The following SMAD2 variants were observed in gnomAD, a reference collection of about 807,000 sequenced individuals.
SMAD2 encodes the protein SMAD family member 2, also known as MAD homolog 2.
Under a neutral mutation model 64.4 loss-of-function variants are expected in SMAD2, and 8 were observed. The ratio of observed to expected loss-of-function variants is 0.12; its 90% CI spans 0.07 to 0.22. The LOEUF is 0.22. SMAD2 is among the 10% of genes least tolerant of loss of function. The pLI, the probability that SMAD2 is intolerant of heterozygous loss-of-function variation, is 1.00. For missense variants in SMAD2, 289 were observed against 561.2 expected, an observed-to-expected ratio of 0.51 and a Z score of 4.90; for synonymous variants, 203 against 195.8, an observed-to-expected ratio of 1.04 and a Z score of -0.31.
chr18:47,825,713 A>G lies in SMAD2; in HGVS notation c.*16114T>C, dbSNP rs954184590. The G allele has an allele frequency of 6.6e-6, 1 of 152,270 alleles. No individual in the cohort carries two copies. The highest frequency in any genetic ancestry group is 2.4e-5 in the African/African-American group (1 of 41,460). 9.4% of individuals were successfully genotyped at this position (152,270 alleles called of 1,614,324 possible). On this transcript the variant is annotated 3_prime_UTR_variant, in exon 11 of 11. Transcript: ENST00000262160. ...CTACCAAGCACAGCCACATCACCAAAGAGAACAATTCCTGACCTCCTTGGA... is the reference window on the plus strand; with the variant it reads ...CTACCAAGCACAGCCACATCACCAAGGAGAACAATTCCTGACCTCCTTGGA...
At chr18:47,874,950 C>T (rs79022096) in intron 2 of SMAD2, among the ~76,000 whole-genome samples, 7,579 of 152,168 alleles carry the variant, frequency 0.05, 585 homozygotes, top group East Asian at 0.21. Flanking sequence ...TCAATGTCAT[C>T]TTGACACTTC....
At chr18:47,910,259 G>C (rs1443144630) in intron 1 of SMAD2, among the ~76,000 whole-genome samples, 1 of 151,866 alleles carries the variant, frequency 6.6e-6, no homozygotes, top group South Asian at 2.1e-4. Flanking sequence ...CCACACATCA[G>C]AGGAATTAAC....
At chr18:47,905,521 C>G (rs1407357810) in intron 1 of SMAD2, among the ~76,000 whole-genome samples, 1 of 150,918 alleles carries the variant, frequency 6.6e-6, no homozygotes, top group African/African-American at 2.4e-5. Context: ...CTTACACCAC[C>G]TTATTTCAAG....
At position 47,813,255 on chromosome 18, in the gene SMAD2, T is replaced by C. The variant is rs1489665943; in HGVS notation, c.*28572A>G. ...AATAAAATAAACTGGGTCCTTATTTTTAGAAAAGGATCTCACTTTGTCATC... is the reference window on the plus strand; with the variant it reads ...AATAAAATAAACTGGGTCCTTATTTCTAGAAAAGGATCTCACTTTGTCATC... On this transcript the variant is annotated 3_prime_UTR_variant, in exon 11 of 11. Coordinates refer to ENST00000262160, the MANE Select transcript of SMAD2 (RefSeq NM_005901.6). 3 of 152,068 alleles carry C rather than the reference T, an allele frequency of 2.0e-5. No homozygotes were observed. Among genetic ancestry groups the C allele is most frequent in the Non-Finnish European group, 4.4e-5 (3 of 68,008 alleles). The allele number at this position is 152,068 out of a possible 1,614,324, so 9.4% of individuals were successfully genotyped here.
chr18:47,881,685 A>C (rs894289118), intron 2 of SMAD2, among the ~76,000 whole-genome samples: 49 of 152,320 alleles, frequency 3.2e-4, no homozygotes, highest in African/African-American at 1.1e-3. Flanking sequence ...ACAGTATTTC[A>C]TGATTAAGTA....
intron 2 of SMAD2, among the ~76,000 whole-genome samples, chr18:47,872,395 A>G (rs1004286868): frequency 6.6e-6 from 1 of 152,216 alleles, no homozygotes; most frequent in African/African-American, 2.4e-5. Context: ...AGTAGAAAAA[A>G]TAAGTAAATT....
At chr18:47,919,801 A>G (rs958487416) in intron 1 of SMAD2, among the ~76,000 whole-genome samples, 2 of 152,214 alleles carry the variant, frequency 1.3e-5, no homozygotes, top group African/African-American at 2.4e-5. Context: ...CTCTTTACCA[A>G]TATCTCAGCA....
At chr18:47,861,389 A>T (rs2031178607) in intron 6 of SMAD2, among the ~76,000 whole-genome samples, 1 of 152,154 alleles carries the variant, frequency 6.6e-6, no homozygotes, top group Non-Finnish European at 1.5e-5. Flanking sequence ...TATGCAGAAA[A>T]CCTCAAGAAT....
At position 47,923,821 on chromosome 18, in the gene SMAD2, T is replaced by A. The variant is rs550394192; in HGVS notation, c.-54+6540A>T. 2.0e-5 allele frequency among the ~76,000 whole-genome samples: 3 copies of A among 152,340 alleles called. No homozygotes were observed. In the East Asian group the frequency reaches 5.8e-4, roughly 29 times the overall value. ...GGTGTGCACATGTTTTAAGTCTGAC[T>A]ACTACTGGTTTCGAGCAGAAATGGC... On this transcript the variant is annotated intron_variant, in intron 1 of 10. Transcript: ENST00000262160.
intron 1 of SMAD2, among the ~76,000 whole-genome samples, chr18:47,911,046 T>A (rs998389136): frequency 1.3e-5 from 2 of 152,080 alleles, no homozygotes; most frequent in African/African-American, 4.8e-5. Flanking sequence ...TTGGTATAAT[T>A]TGCTAGAAAA....
At position 47,823,244 on chromosome 18, in the gene SMAD2, T is replaced by TG. The variant is rs1912634101; in HGVS notation, c.*18582_*18583insC. 6.6e-6 allele frequency: 1 copy of TG among 152,198 alleles called. No individual in the cohort carries two copies. Among genetic ancestry groups the TG allele is most frequent in the African/African-American group, 2.4e-5 (1 of 41,460 alleles). 9.4% of individuals were successfully genotyped at this position (152,198 alleles called of 1,614,324 possible). On this transcript the variant is annotated 3_prime_UTR_variant, in exon 11 of 11. Coordinates refer to ENST00000262160, the MANE Select transcript of SMAD2 (RefSeq NM_005901.6). The stretch of plus-strand genomic sequence containing the variant: ...TAAAGTCTACCTTGACTTAGCTTCT[T>TG]AGCCTCAAGGAGGTTTTTAAATCTG...
chr18:47,828,501 TGTGGGGAAAG>T lies in SMAD2; in HGVS notation c.*13316_*13325del, dbSNP rs1182030308. ...TTTTGTCGAATAGAAAAGGGGGAAA[TGTGGGGAAAG>T]GAAAGAGAGATCAGATTGTTGCTGT... On this transcript the variant is annotated 3_prime_UTR_variant, in exon 11 of 11. Coordinates refer to ENST00000262160, the MANE Select transcript of SMAD2 (RefSeq NM_005901.6). The T allele has an allele frequency of 1.2e-5, 2 of 169,508 alleles. No individual in the cohort carries two copies. The highest frequency in any genetic ancestry group is 2.4e-5 in the Non-Finnish European group (2 of 82,262). 10.5% of individuals were successfully genotyped at this position (169,508 alleles called of 1,614,324 possible).
chr18:47,925,847 A>AT (rs2034740096), intron 1 of SMAD2, among the ~76,000 whole-genome samples: 1 of 152,238 alleles, frequency 6.6e-6, no homozygotes, highest in African/African-American at 2.4e-5. Flanking sequence ...GATCAAAAAA[A>AT]TTATCAGTGC....
At position 47,816,027 on chromosome 18, in the gene SMAD2, G is replaced by A. The variant is rs1413780692; in HGVS notation, c.*25800C>T. The A allele has an allele frequency of 6.6e-6, 1 of 152,224 alleles. No homozygotes were observed. The highest frequency in any genetic ancestry group is 2.4e-5 in the African/African-American group (1 of 41,432). The allele number at this position is 152,224 out of a possible 1,614,324, so 9.4% of individuals were successfully genotyped here. A position where few individuals can be genotyped will look rare whatever the true frequency, so the allele number is the denominator to read the frequency against. ...AGCTGAGGAGGAACTGGCAGTGAGG[G>A]AGGAGGTTGAGAATGAAAGTTCTGG... On this transcript the variant is annotated 3_prime_UTR_variant, in exon 11 of 11. Coordinates refer to ENST00000262160, the MANE Select transcript of SMAD2 (RefSeq NM_005901.6).
chr18:47,899,570 A>C (rs1286264106), intron 1 of SMAD2, among the ~76,000 whole-genome samples: 2 of 152,202 alleles, frequency 1.3e-5, no homozygotes, highest in Non-Finnish European at 2.9e-5. Flanking sequence ...ATGATGCCAG[A>C]GAACAAGTAC....
At chr18:47,907,755 C>A (rs1036077827) in intron 1 of SMAD2, among the ~76,000 whole-genome samples, 1 of 152,052 alleles carries the variant, frequency 6.6e-6, no homozygotes, top group Non-Finnish European at 1.5e-5. Context: ...AGTTCAAGAC[C>A]AGTATGAGCA....
intron 1 of SMAD2, among the ~76,000 whole-genome samples, chr18:47,929,801 G>GA (rs2034923242): frequency 6.6e-6 from 1 of 152,154 alleles, no homozygotes; most frequent in Non-Finnish European, 1.5e-5. Context: ...AACCAAGTTT[G>GA]AAATACGAGA....
chr18:47,849,199 C>A (rs986153019), intron 7 of SMAD2, among the ~76,000 whole-genome samples: 2 of 151,906 alleles, frequency 1.3e-5, no homozygotes, highest in African/African-American at 2.4e-5. Context: ...TGGTGAGATA[C>A]CCTAGCTACA....
At chr18:47,869,788 C>T (rs115067065) in intron 3 of SMAD2, among the ~76,000 whole-genome samples, 246 of 152,222 alleles carry the variant, frequency 1.6e-3, no homozygotes, top group African/African-American at 5.8e-3. Flanking sequence ...TTTAGAGATG[C>T]TTCTAAGGAT....
Sources: allele counts gnomAD v4.1 joint callset (sites outside exome capture counted in the v4.1 genomes callset), GRCh38; gene constraint gnomAD v4.1.1; transcripts MANE v1.5; gene names NCBI Gene and HGNC (gene_info 2026-07-23, HGNC 2026-07-21).